Variants in CHFR observed in about 807,000 individuals in gnomAD.
CHFR encodes the protein checkpoint with forkhead and ring finger domains, also known as E3 ubiquitin-protein ligase CHFR.
In CHFR, 57 loss-of-function variants were observed where a neutral mutation model predicts 87.6. The ratio of observed to expected loss-of-function variants is 0.65; its 90% CI spans 0.53 to 0.81. CHFR has a LOEUF of 0.81. CHFR is among the 30% of genes least tolerant of loss of function. The probability of loss-of-function intolerance (pLI) is 0.00; values close to 1 mark genes in which losing one functional copy is unlikely to be tolerated. For missense variants in CHFR, 797 were observed against 865.8 expected (o/e 0.92, Z 1.00); for synonymous variants, 381 against 359.2 (o/e 1.06, Z -0.69).
chr12:132,851,841 A>G, intron 11 of CHFR, 104 bp from the exon 12 acceptor site: 1 of 1,385,460 alleles, frequency 7.2e-7, no homozygotes. Flanking sequence ...TGCACCTGAG[A>G]CAGCCGGGGA....
Position 132,856,497 on chromosome 12 carries a change from T to G in CHFR, c.1200A>C (p.Ser400=), listed in dbSNP as rs1283784330. 6.2e-7 allele frequency: 1 copy of G among 1,614,092 alleles called. No homozygotes were observed. The highest frequency in any genetic ancestry group is 1.7e-5 in the Admixed American group (1 of 60,002). The change falls in exon 10 of 18, where the codon TCA becomes TCC. Residue 400 remains serine, a synonymous_variant. Transcript: ENST00000450056. ...EGSSEDLLEL[S]DVDSESSDIS... Reference sequence around the variant, plus strand: ...TGTCTGAGGACTCACTGTCAACGTCTGACAGCTCCAGCAGGTCCTCTGAAC... The same window carrying G: ...TGTCTGAGGACTCACTGTCAACGTCGGACAGCTCCAGCAGGTCCTCTGAAC...
intron 3 of CHFR, among the ~76,000 whole-genome samples, chr12:132,875,924 C>T (rs569395973): frequency 5.3e-5 from 8 of 152,276 alleles, no homozygotes; most frequent in African/African-American, 1.9e-4. Context: ...CCTGTAATCC[C>T]AGCACTTTGG....
At chr12:132,861,758 G>A (rs1951215100) in intron 6 of CHFR, 124 bp from the exon 7 acceptor site, 2 of 822,574 alleles carry the variant, frequency 2.4e-6, no homozygotes, top group East Asian at 2.7e-5. Context: ...GTTTAGGAAT[G>A]ACAAGTGGCT....
At chr12:132,858,515 A>G (rs979646318) in intron 8 of CHFR, among the ~76,000 whole-genome samples, 11 of 152,064 alleles carry the variant, frequency 7.2e-5, no homozygotes, top group Admixed American at 7.2e-4. Context: ...ACCTGAAGTC[A>G]GGAGTTCAAG....
chr12:132,860,669 A>G (rs1363872497), intron 7 of CHFR, among the ~76,000 whole-genome samples: 1 of 152,234 alleles, frequency 6.6e-6, no homozygotes, highest in Non-Finnish European at 1.5e-5. Context: ...CAAAGTGCAG[A>G]CTTCTCCCTA....
In CHFR at chr12:132,857,674, C is replaced by A. The variant is rs1353768961; in HGVS notation, c.912-115G>T. 3.2e-5 allele frequency: 32 copies of A among 995,842 alleles called. No homozygotes were observed. In the East Asian group the frequency reaches 8.1e-4, roughly 25 times the overall value. 61.7% of individuals were successfully genotyped at this position (995,842 alleles called of 1,614,324 possible). ...GGCCTACAGGGGCCCAGCCATCGTT[C>A]AACCTAAAAACCCTTTAAGTCAGTC... On this transcript the variant is annotated intron_variant, in intron 8 of 17. Transcript: ENST00000450056.
Position 132,836,672 on chromosome 12 carries a change from G to A in CHFR, c.*4882C>T, listed in dbSNP as rs1395046847. On this transcript the variant is annotated 3_prime_UTR_variant, in exon 18 of 18. Transcript: ENST00000450056. ...ATGCACGACCAAGTGTCTGCTCTGT[G>A]TGAGGAACTTTAAGACCCCACCATC... 7 of 456,010 alleles carry A rather than the reference G, an allele frequency of 1.5e-5. No individual in the cohort carries two copies. Among genetic ancestry groups the A allele is most frequent in the Middle Eastern group, 3.2e-4 (1 of 3,092 alleles). 28.2% of individuals were successfully genotyped at this position (456,010 alleles called of 1,614,324 possible). A position where few individuals can be genotyped will look rare whatever the true frequency, so the allele number is the denominator to read the frequency against.
chr12:132,856,547 G>A lies in CHFR; in HGVS notation c.1150C>T (p.Arg384Trp), dbSNP rs920205326. Residue 384 changes from arginine (R) to tryptophan (W), a missense_variant, in exon 10 of 18, where the codon CGG becomes TGG. Physicochemically the swap from Arg to Trp is moderately radical, Grantham distance 101 (BLOSUM62 -3). This residue lies in a region of CHFR where 597 missense variants were observed against 601.2 expected (regional missense o/e 0.99). Transcript: ENST00000450056. ...CTCCCTTCTTCATCAGAAAAAGACC[G>A]CCTGACTTTGGGCTGCAGCATGTCT... is the stretch of plus-strand genomic sequence containing the variant. ...TQDMLQPKVRRSFSDEEGSSE... is the reference protein window; with the variant it reads ...TQDMLQPKVRWSFSDEEGSSE... The A allele has an allele frequency of 7.4e-6, 12 of 1,614,014 alleles. No homozygotes were observed. Among genetic ancestry groups the A allele is most frequent in the East Asian group, 2.2e-5 (1 of 44,896 alleles).
chr12:132,848,573 C>G, intron 13 of CHFR, 68 bp downstream of exon 13: 1 of 1,231,490 alleles, frequency 8.1e-7, no homozygotes, highest in Non-Finnish European at 1.2e-6. Context: ...CCACCATCCC[C>G]TGCCCTCAAG....
rs551750514 is a variant in CHFR at position 132,854,407 on chromosome 12, T to C, written c.1230-834A>G. The C allele has an allele frequency of 9.2e-5, 14 of 152,352 alleles. No homozygotes were observed. In the South Asian group the frequency reaches 2.1e-3, roughly 23 times the overall value. The allele number at this position is 152,352 out of a possible 1,614,324, so 9.4% of individuals were successfully genotyped here. ...GACTCGACTGCTTCACGTCTAAACA[T>C]TGACGTCACTGCGCATGTGCACAAA... On this transcript the variant is annotated intron_variant, in intron 10 of 17. Coordinates refer to ENST00000450056, the MANE Select transcript of CHFR (RefSeq NM_001161346.2).
At chr12:132,849,587 A>C (rs1389708961) in intron 12 of CHFR, 1 of 148,720 alleles carries the variant, frequency 6.7e-6, no homozygotes, top group Non-Finnish European at 1.5e-5. Context: ...CCAACTGCAC[A>C]TATTCAGGTG....
chr12:132,836,676 G>C lies in CHFR; in HGVS notation c.*4878C>G. ...ACGACCAAGTGTCTGCTCTGTGTGA[G>C]GAACTTTAAGACCCCACCATCTAGA... On this transcript the variant is annotated 3_prime_UTR_variant, in exon 18 of 18. Coordinates refer to ENST00000450056, the MANE Select transcript of CHFR (RefSeq NM_001161346.2). 2.2e-6 allele frequency: 1 copy of C among 456,108 alleles called. No individual in the cohort carries two copies. Among genetic ancestry groups the C allele is most frequent in the Non-Finnish European group, 4.4e-6 (1 of 226,804 alleles). 28.3% of individuals were successfully genotyped at this position (456,108 alleles called of 1,614,324 possible).
Position 132,836,982 on chromosome 12 carries a change from G to A in CHFR, c.*4572C>T, listed in dbSNP as rs1950652494. 2 of 360,590 alleles carry A rather than the reference G, an allele frequency of 5.5e-6. No individual in the cohort carries two copies. Among genetic ancestry groups the A allele is most frequent in the African/African-American group, 4.3e-5 (2 of 46,698 alleles). The allele number at this position is 360,590 out of a possible 1,614,324, so 22.3% of individuals were successfully genotyped here. On this transcript the variant is annotated 3_prime_UTR_variant, in exon 18 of 18. Coordinates refer to ENST00000450056, the MANE Select transcript of CHFR (RefSeq NM_001161346.2). ...TGTTTCCTTTCCGATAGTGACAGGTGCTGGGGGGAAACTAGACTGGCTGGC... is the reference window on the plus strand; with the variant it reads ...TGTTTCCTTTCCGATAGTGACAGGTACTGGGGGGAAACTAGACTGGCTGGC...
chr12:132,886,885 C>T (rs576821114), intron 2 of CHFR, among the ~76,000 whole-genome samples: 67 of 152,160 alleles, frequency 4.4e-4, no homozygotes, highest in Admixed American at 3.1e-3. Flanking sequence ...TCCACTTTTC[C>T]TTCTATTATT....
intron 9 of CHFR, among the ~76,000 whole-genome samples, chr12:132,857,177 G>A (rs1324410921): frequency 3.1e-5 from 4 of 128,646 alleles, no homozygotes; most frequent in Admixed American, 1.6e-4. Context: ...ATGCCCTCAC[G>A]TGCCCAGGTG....
intron 2 of CHFR, among the ~76,000 whole-genome samples, chr12:132,883,712 C>T (rs1002400874): frequency 6.6e-6 from 1 of 152,090 alleles, no homozygotes; most frequent in African/African-American, 2.4e-5. Flanking sequence ...GGATAAAGAG[C>T]TCTTTGGGAA....
At chr12:132,861,388 A>G (rs1951206107) in intron 7 of CHFR, 79 bp downstream of exon 7, 9 of 1,435,666 alleles carry the variant, frequency 6.3e-6, no homozygotes, top group South Asian at 3.7e-5. Context: ...AATGCCCCAC[A>G]GCACGGAGCA....
chr12:132,849,940 T>C (rs1014450226), intron 12 of CHFR: 8 of 152,012 alleles, frequency 5.3e-5, no homozygotes, highest in Admixed American at 5.2e-4. Flanking sequence ...CTTGGCTTTG[T>C]AGACGTTATT....
At chr12:132,842,528 C>T (rs1261536243) in intron 17 of CHFR, among the ~76,000 whole-genome samples, 1 of 152,234 alleles carries the variant, frequency 6.6e-6, no homozygotes, top group Admixed American at 6.5e-5. Context: ...TACGTGATCA[C>T]CTAACCTAAG....
Sources: gnomAD v4.1 joint callset for allele counts (sites outside exome capture counted in the v4.1 genomes callset) on GRCh38, gnomAD v4.1.1 for gene constraint, gnomAD v4.1.1 regional missense constraint, MANE v1.5 for transcripts, NCBI Gene and HGNC (gene_info 2026-07-23, HGNC 2026-07-21) for gene names.